Variants in SUSD3 observed in about 807,000 individuals in gnomAD.
SUSD3 encodes sushi domain-containing protein 3.
Under a neutral mutation model 20.6 loss-of-function variants are expected in SUSD3, and 18 were observed. The observed-to-expected ratio is 0.87, with a 90% CI of 0.60 to 1.30. The LOEUF is 1.30. Among genes scored for constraint, SUSD3 ranks in the 50% most tolerant of loss-of-function variants. The pLI, the probability that SUSD3 is intolerant of heterozygous loss-of-function variation, is 0.00. For synonymous variants in SUSD3, 137 were observed against 141.5 expected (o/e 0.97, Z 0.23); for missense variants, 306 against 346.9 (o/e 0.88, Z 0.94).
chr9:93,069,613 G>T (rs192251187), intron 1 of SUSD3, among the ~76,000 whole-genome samples: 149 of 152,008 alleles, frequency 9.8e-4, no homozygotes, highest in Admixed American at 4.6e-3. Context: ...TTTTCAATTT[G>T]CTCACTGCTA....
chr9:93,073,332 T>C (rs7022674), intron 1 of SUSD3, among the ~76,000 whole-genome samples: 54,484 of 150,674 alleles, frequency 0.36, 16,055 homozygotes, highest in African/African-American at 0.82. Context: ...CTGCAAGCTC[T>C]GCCTCCTGGG....
chr9:93,076,202 G>C (rs922553616), intron 2 of SUSD3, among the ~76,000 whole-genome samples: 2 of 152,152 alleles, frequency 1.3e-5, no homozygotes, highest in Non-Finnish European at 2.9e-5. Flanking sequence ...ACCTAGTAGC[G>C]GGCCTCCAAT....
At chr9:93,083,352 G>C (rs1826500484) in intron 4 of SUSD3, among the ~76,000 whole-genome samples, 1 of 152,076 alleles carries the variant, frequency 6.6e-6, no homozygotes, top group Non-Finnish European at 1.5e-5. Context: ...CCCCAGCCCT[G>C]GGCCCCGGGC....
rs1168354048 is a variant in SUSD3 at position 93,084,878 on chromosome 9, G to C, written c.*131G>C. 1 of 852,026 alleles carries C rather than the reference G, an allele frequency of 1.2e-6. No homozygotes were observed. The highest frequency in any genetic ancestry group is 1.8e-5 in the African/African-American group (1 of 56,514). 52.8% of individuals were successfully genotyped at this position (852,026 alleles called of 1,614,324 possible). On this transcript the variant is annotated 3_prime_UTR_variant, in exon 5 of 5. Coordinates refer to ENST00000375472, the MANE Select transcript of SUSD3 (RefSeq NM_145006.4). ...ACTGATGAGTGGAATCAGCTTCCAG[G>C]TGTAGGGACCCCTTGAGGGGCCGAG...
intron 3 of SUSD3, 48 bp from the exon 4 acceptor site, chr9:93,079,422 AG>A (rs1443990890): frequency 1.9e-6 from 3 of 1,599,288 alleles, no homozygotes. Flanking sequence ...CACCACCGTC[AG>A]GGATACACCT....
At position 93,079,572 on chromosome 9, in the gene SUSD3, G is replaced by C. The variant is rs1826322388; in HGVS notation, c.527G>C (p.Ser176Thr). 1.2e-6 allele frequency: 2 copies of C among 1,613,988 alleles called. No individual in the cohort carries two copies. Among genetic ancestry groups the C allele is most frequent in the African/African-American group, 2.7e-5 (2 of 75,040 alleles). The change falls in exon 4 of 5, where the codon AGC becomes ACC. Residue 176 changes from serine to threonine, a missense_variant. Physicochemically the swap from Ser to Thr is moderately conservative, Grantham distance 58. Transcript: ENST00000375472. ...KHFNKPVSGPSQAHDNHSFTT... is the reference protein window; with the variant it reads ...KHFNKPVSGPTQAHDNHSFTT... ...TTCAACAAACCCGTGAGCGGGCCCA[G>C]CCAGGCGCACGACAACCACAGCTTC...
At chr9:93,078,105 C>A in intron 3 of SUSD3, 112 bp downstream of exon 3, 2 of 1,423,476 alleles carry the variant, frequency 1.4e-6, no homozygotes, top group Middle Eastern at 2.4e-4. Context: ...TCAGGGCACC[C>A]GTTCCTACCA....
chr9:93,079,594 C>T lies in SUSD3; in HGVS notation c.549C>T (p.Ser183=). ...CCAGCCAGGCGCACGACAACCACAG[C>T]TTCACCACGTGAGCCCGGGTCTGGG... ...SGPSQAHDNH[S]FTTDHGESTS... The change falls in exon 4 of 5, where the codon AGC becomes AGT. Residue 183 remains serine, a synonymous_variant. Transcript: ENST00000375472. 1.2e-6 allele frequency: 2 copies of T among 1,613,832 alleles called. No homozygotes were observed. The highest frequency in any genetic ancestry group is 1.7e-6 in the Non-Finnish European group (2 of 1,179,964).
chr9:93,063,957 T>G (rs1193564610), intron 1 of SUSD3, among the ~76,000 whole-genome samples: 1 of 152,190 alleles, frequency 6.6e-6, no homozygotes, highest in East Asian at 1.9e-4. Context: ...TCTATACTTT[T>G]ATTTGAGTTT....
chr9:93,067,486 G>A (rs889115038), intron 1 of SUSD3, among the ~76,000 whole-genome samples: 5 of 152,084 alleles, frequency 3.3e-5, no homozygotes, highest in Non-Finnish European at 7.3e-5. Context: ...GCTTAACTGT[G>A]TGAAAAACCA....
At chr9:93,078,259 T>C (rs1376245094) in intron 3 of SUSD3, among the ~76,000 whole-genome samples, 1 of 152,168 alleles carries the variant, frequency 6.6e-6, no homozygotes, top group Non-Finnish European at 1.5e-5. Flanking sequence ...GATTATTTTA[T>C]TTATTTATTT....
intron 4 of SUSD3, among the ~76,000 whole-genome samples, chr9:93,080,407 C>T (rs907298027): frequency 6.6e-6 from 1 of 151,790 alleles, no homozygotes; most frequent in East Asian, 1.9e-4. Context: ...CATAATCACA[C>T]GCAGCACTCA....
At chr9:93,062,767 G>C (rs745803753) in intron 1 of SUSD3, among the ~76,000 whole-genome samples, 1 of 152,186 alleles carries the variant, frequency 6.6e-6, no homozygotes, top group Non-Finnish European at 1.5e-5. Flanking sequence ...TTGGCTGTGC[G>C]GTGGTTAGAG....
At chr9:93,068,795 A>T (rs1174996213) in intron 1 of SUSD3, among the ~76,000 whole-genome samples, 1 of 152,228 alleles carries the variant, frequency 6.6e-6, no homozygotes, top group Non-Finnish European at 1.5e-5. Flanking sequence ...TACAGTGAAT[A>T]TAGTAGATAC....
chr9:93,076,123 G>C (rs1312906251), intron 2 of SUSD3, 151 bp downstream of exon 2: 3 of 676,864 alleles, frequency 4.4e-6, no homozygotes, highest in Non-Finnish European at 7.2e-6. Context: ...CTGACAGCTT[G>C]CTTACATGTC....
intron 2 of SUSD3, 48 bp downstream of exon 2, chr9:93,076,020 C>A (rs1367746221): frequency 1.3e-6 from 2 of 1,508,150 alleles, no homozygotes; most frequent in Non-Finnish European, 1.8e-6. Flanking sequence ...GGGGGATGGC[C>A]CCAAATCCTG....
chr9:93,060,916 G>A lies in SUSD3; in HGVS notation c.88+2086G>A, dbSNP rs1023744236. ...CTTTAAAATGGGGCCATTACCACTG[G>A]TTTTCCTAGAGTAGATATGAAGAGC... On this transcript the variant is annotated intron_variant, in intron 1 of 4. Coordinates refer to ENST00000375472, the MANE Select transcript of SUSD3 (RefSeq NM_145006.4). Among the ~76,000 whole-genome samples the A allele has an allele frequency of 2.2e-4, 34 of 152,290 alleles. 1 individual carries two copies. The highest frequency in any genetic ancestry group is 1.8e-3 in the Admixed American group (27 of 15,304).
At chr9:93,082,024 G>A (rs1826435213) in intron 4 of SUSD3, among the ~76,000 whole-genome samples, 1 of 152,216 alleles carries the variant, frequency 6.6e-6, no homozygotes, top group Non-Finnish European at 1.5e-5. Flanking sequence ...TCTGGTACAA[G>A]TGAATGTGGC....
At chr9:93,082,420 C>A (rs899515530) in intron 4 of SUSD3, among the ~76,000 whole-genome samples, 1 of 150,186 alleles carries the variant, frequency 6.7e-6, no homozygotes, top group Admixed American at 6.7e-5. Context: ...CGGGTTCACA[C>A]CATTCTCCTG....
Sources: allele counts gnomAD v4.1 joint callset (sites outside exome capture counted in the v4.1 genomes callset), GRCh38; gene constraint gnomAD v4.1.1; transcripts MANE v1.5; gene names NCBI Gene and HGNC (gene_info 2026-07-23, HGNC 2026-07-21).